The following ADGRL3 variants were observed in gnomAD, a reference collection of about 807,000 sequenced individuals.
ADGRL3 encodes calcium-independent alpha-latrotoxin receptor 3.
Under a neutral mutation model 153.5 loss-of-function variants are expected in ADGRL3, and 62 were observed. The observed-to-expected ratio is 0.40, with a 90% CI of 0.33 to 0.50. The LOEUF (loss-of-function observed/expected upper bound fraction) is 0.50, where lower values mean the gene tolerates loss of function less well. ADGRL3 is among the 20% of genes least tolerant of loss of function. The pLI, the probability that ADGRL3 is intolerant of heterozygous loss-of-function variation, is 0.47. For synonymous variants in ADGRL3, 710 were observed against 672.5 expected (o/e 1.06, Z -0.86); for missense variants, 1,641 against 1,859.4 (o/e 0.88, Z 2.16).
intron 8 of ADGRL3, among the ~76,000 whole-genome samples, chr4:61,803,165 A>C (rs1247087503): frequency 6.6e-6 from 1 of 152,140 alleles, no homozygotes; most frequent in African/African-American, 2.4e-5. Context: ...TTTAAGCATA[A>C]AGTAAATTAT....
At chr4:61,210,450 G>T (rs190195573) in intron 1 of ADGRL3, among the ~76,000 whole-genome samples, 63 of 152,160 alleles carry the variant, frequency 4.1e-4, no homozygotes, top group African/African-American at 1.5e-3. Flanking sequence ...TGTTCTGCTT[G>T]GGTGGGTAAC....
chr4:61,608,429 G>A (rs528637732), intron 5 of ADGRL3, among the ~76,000 whole-genome samples: 1 of 152,068 alleles, frequency 6.6e-6, no homozygotes, highest in East Asian at 1.9e-4. Context: ...TAAGTAAACT[G>A]AATTAAAAAC....
At chr4:61,515,946 C>A (rs1205902364) in intron 3 of ADGRL3, among the ~76,000 whole-genome samples, 1 of 152,172 alleles carries the variant, frequency 6.6e-6, no homozygotes, top group East Asian at 1.9e-4. Flanking sequence ...AACTTATTTT[C>A]TTCTTTGGCA....
At chr4:61,743,550 T>G (rs992148397) in intron 8 of ADGRL3, among the ~76,000 whole-genome samples, 5 of 152,176 alleles carry the variant, frequency 3.3e-5, no homozygotes, top group African/African-American at 4.8e-5. Context: ...ATGAAATAGA[T>G]TATTTTTAAA....
intron 26 of ADGRL3, among the ~76,000 whole-genome samples, chr4:62,068,635 A>T (rs1269237401): frequency 1.3e-5 from 2 of 152,186 alleles, no homozygotes; most frequent in Non-Finnish European, 1.5e-5. Context: ...GCCATCAAGC[A>T]TATCATAGCA....
At position 62,037,581 on chromosome 4, in the gene ADGRL3, T is replaced by C. The variant is rs557187520; in HGVS notation, c.3592-150T>C. 11 of 861,726 alleles carry C rather than the reference T, an allele frequency of 1.3e-5. No homozygotes were observed. The East Asian group carries it at 1.6e-4, about 13-fold the overall frequency. The allele number at this position is 861,726 out of a possible 1,614,324, so 53.4% of individuals were successfully genotyped here. On this transcript the variant is annotated intron_variant, in intron 23 of 26. Coordinates refer to ENST00000683033, the MANE Select transcript of ADGRL3 (RefSeq NM_001387552.1). ...ACAGTATGAATATAATTATGTTGTA[T>C]TGTAAAATATATGCTGAACAGACTT... is the stretch of plus-strand genomic sequence containing the variant.
At chr4:61,557,849 T>G (rs892118001) in intron 4 of ADGRL3, among the ~76,000 whole-genome samples, 9 of 151,862 alleles carry the variant, frequency 5.9e-5, no homozygotes, top group African/African-American at 2.2e-4. Context: ...CAAAGTATAT[T>G]AGAGAACTAT....
Position 61,627,090 on chromosome 4 carries a change from A to G in ADGRL3, c.473+39650A>G, listed in dbSNP as rs575990085. ...AAATTAAAATAACCCTCTACCCTTT[A>G]TTGCCTCTGATTAATATTTTTATTA... is the stretch of plus-strand genomic sequence containing the variant. On this transcript the variant is annotated intron_variant, in intron 5 of 26. Transcript: ENST00000683033. Among the ~76,000 whole-genome samples, 192 of 152,104 alleles carry G rather than the reference A, an allele frequency of 1.3e-3. 1 individual carries two copies. Among genetic ancestry groups the G allele is most frequent in the Admixed American group, 2.5e-3 (38 of 15,266 alleles).
At chr4:61,529,893 T>C (rs1326984278) in intron 4 of ADGRL3, among the ~76,000 whole-genome samples, 2 of 152,192 alleles carry the variant, frequency 1.3e-5, no homozygotes, top group African/African-American at 2.4e-5. Flanking sequence ...TTTATTAATT[T>C]CTTTAGAATT....
At chr4:62,032,523 A>T (rs1722670898) in intron 23 of ADGRL3, among the ~76,000 whole-genome samples, 1 of 151,668 alleles carries the variant, frequency 6.6e-6, no homozygotes, top group South Asian at 2.1e-4. Flanking sequence ...CATGTGTGAC[A>T]TGGAGGGGGT....
intron 13 of ADGRL3, among the ~76,000 whole-genome samples, chr4:61,923,162 A>T (rs1371334151): frequency 1.3e-5 from 2 of 152,138 alleles, no homozygotes; most frequent in Admixed American, 6.5e-5. Context: ...TATGGAAAAA[A>T]CTCAAGAGTC....
intron 9 of ADGRL3, among the ~76,000 whole-genome samples, chr4:61,889,615 A>T (rs903337644): frequency 3.3e-5 from 5 of 152,228 alleles, no homozygotes; most frequent in Non-Finnish European, 7.3e-5. Flanking sequence ...TTTTCATTAC[A>T]TGGTACTGGT....
At chr4:61,866,742 G>A (rs186598163) in intron 9 of ADGRL3, among the ~76,000 whole-genome samples, 132 of 152,198 alleles carry the variant, frequency 8.7e-4, no homozygotes, top group African/African-American at 2.8e-3. Flanking sequence ...ACTAAAATGC[G>A]TCTCTCCCCT....
At chr4:61,768,556 T>A (rs2097034635) in intron 8 of ADGRL3, among the ~76,000 whole-genome samples, 1 of 152,004 alleles carries the variant, frequency 6.6e-6, no homozygotes, top group Non-Finnish European at 1.5e-5. Context: ...ATTATTTAGA[T>A]CTTGTAGGGT....
chr4:62,008,251 T>C (rs961778700), intron 21 of ADGRL3, among the ~76,000 whole-genome samples: 2 of 152,162 alleles, frequency 1.3e-5, no homozygotes, highest in African/African-American at 4.8e-5. Context: ...AATAATTGGT[T>C]TGTTTTTAAG....
intron 9 of ADGRL3, among the ~76,000 whole-genome samples, chr4:61,875,713 T>G (rs2098470978): frequency 6.6e-6 from 1 of 152,244 alleles, no homozygotes; most frequent in Non-Finnish European, 1.5e-5. Flanking sequence ...TTATCCATTG[T>G]CTTCTTTCGA....
intron 8 of ADGRL3, among the ~76,000 whole-genome samples, chr4:61,735,629 C>A (rs1383954727): frequency 6.6e-6 from 1 of 152,034 alleles, no homozygotes; most frequent in Non-Finnish European, 1.5e-5. Flanking sequence ...TGGTTCTTAG[C>A]CTTTTTTGAC....
At chr4:61,592,073 CAAAAAAA>C (rs34116654) in intron 5 of ADGRL3, among the ~76,000 whole-genome samples, 3 of 123,674 alleles carry the variant, frequency 2.4e-5, no homozygotes, top group Non-Finnish European at 5.1e-5. Flanking sequence ...GAAACTGCTT[CAAAAAAA>C]AAAAAAAAAA....
At chr4:62,036,984 C>A (rs1333981390) in intron 23 of ADGRL3, among the ~76,000 whole-genome samples, 2 of 151,988 alleles carry the variant, frequency 1.3e-5, no homozygotes, top group Admixed American at 6.6e-5. Flanking sequence ...TAAAACTCTT[C>A]TTTTTCCCTG....
Sources: gnomAD v4.1 joint callset for allele counts (sites outside exome capture counted in the v4.1 genomes callset) on GRCh38, gnomAD v4.1.1 for gene constraint, MANE v1.5 for transcripts, NCBI Gene and HGNC (gene_info 2026-07-23, HGNC 2026-07-21) for gene names.